Variants in UBXN2B observed in about 807,000 individuals in gnomAD.
The protein encoded by UBXN2B is UBX domain protein 2B, also known as UBX domain-containing protein 2B.
Under a neutral mutation model 37.5 loss-of-function variants are expected in UBXN2B, and 19 were observed. That is an observed-to-expected ratio of 0.51 (90% CI 0.35 to 0.74). The LOEUF is 0.74. Ranked by LOEUF, UBXN2B falls within the 30% of genes least tolerant of loss-of-function variation. The pLI is 0.01. For missense variants in UBXN2B, 370 were observed against 393.2 expected (o/e 0.94, Z 0.50); for synonymous variants, 145 against 143.8 (o/e 1.01, Z -0.06).
chr8:58,447,346 A>G, intron 7 of UBXN2B, 43 bp from the exon 8 acceptor site: 1 of 1,486,986 alleles, frequency 6.7e-7, no homozygotes, highest in Non-Finnish European at 9.0e-7. Context: ...ACATGAAAAT[A>G]TGATTTTTTA....
At chr8:58,422,625 C>T (rs2129603864) in intron 2 of UBXN2B, among the ~76,000 whole-genome samples, 1 of 152,364 alleles carries the variant, frequency 6.6e-6, no homozygotes, top group South Asian at 2.1e-4. Context: ...GCTGTTCCTT[C>T]TCACTGTGGC....
In UBXN2B at chr8:58,416,821, T is replaced by C. The variant is rs1213923005; in HGVS notation, c.85-29T>C. 3.1e-6 allele frequency: 5 copies of C among 1,594,396 alleles called. No homozygotes were observed. The African/African-American group carries it at 6.7e-5, about 21-fold the overall frequency. ...ATGGAAGAGGTTATTCCTAGTGTTA[T>C]ACTTTGTAACAAGCCTGTTATTATG... On this transcript the variant is annotated intron_variant, in intron 1 of 7. Transcript: ENST00000399598.
intron 2 of UBXN2B, chr8:58,425,330 C>G: frequency 8.6e-7 from 1 of 1,157,942 alleles, no homozygotes; most frequent in Non-Finnish European, 1.3e-6. Context: ...CAGGAGTTTT[C>G]TTGGAATACC....
At chr8:58,437,332 T>TTTTTC (rs1808438981) in intron 5 of UBXN2B, among the ~76,000 whole-genome samples, 1 of 139,430 alleles carries the variant, frequency 7.2e-6, no homozygotes, top group Non-Finnish European at 1.6e-5. Context: ...TTTTTTTTTT[T>TTTTTC]TTTTTTTTTT....
At chr8:58,434,842 T>C in intron 5 of UBXN2B, 3 of 1,535,544 alleles carry the variant, frequency 2.0e-6, no homozygotes, top group Non-Finnish European at 2.6e-6. Flanking sequence ...GCCACTGTCC[T>C]GCTTACTGTT....
At chr8:58,425,520 G>C (rs771645273) in intron 2 of UBXN2B, 3 of 1,092,338 alleles carry the variant, frequency 2.7e-6, no homozygotes, top group Non-Finnish European at 4.2e-6. Flanking sequence ...TATGATCAAA[G>C]GGCAGGTTAT....
rs184656960 is a variant in UBXN2B, at chr8:58,442,904, A to T, written c.672-3003A>T. Among the ~76,000 whole-genome samples, 34 of 152,274 alleles carry T rather than the reference A, an allele frequency of 2.2e-4. 1 individual carries two copies. The highest frequency in any genetic ancestry group is 2.2e-3 in the Admixed American group (33 of 15,302). ...TCAAAAGATTGTGCTTGCCACTCTCACTTACCTGAGATTTGACTTCATCTG... is the reference window on the plus strand; with the variant it reads ...TCAAAAGATTGTGCTTGCCACTCTCTCTTACCTGAGATTTGACTTCATCTG... On this transcript the variant is annotated intron_variant, in intron 6 of 7. Transcript: ENST00000399598.
intron 6 of UBXN2B, among the ~76,000 whole-genome samples, chr8:58,442,441 T>C (rs973425541): frequency 6.6e-6 from 1 of 152,208 alleles, no homozygotes; most frequent in African/African-American, 2.4e-5. Flanking sequence ...AAGACAATTA[T>C]TTACTGAGCA....
At chr8:58,423,330 C>G (rs975597018) in intron 2 of UBXN2B, among the ~76,000 whole-genome samples, 1 of 152,116 alleles carries the variant, frequency 6.6e-6, no homozygotes, top group African/African-American at 2.4e-5. Context: ...CCAGTCTCTC[C>G]GCCAACCTGC....
chr8:58,425,129 C>A lies in UBXN2B; in HGVS notation c.189-5390C>A, dbSNP rs1808046226. Reference sequence around the variant, plus strand: ...CAGGTCCAAAAGTGGTATTGCCAGACCATTCTCTCCATATTCCCTTGCCCA... The same window carrying A: ...CAGGTCCAAAAGTGGTATTGCCAGAACATTCTCTCCATATTCCCTTGCCCA... On this transcript the variant is annotated intron_variant, in intron 2 of 7. Transcript: ENST00000399598. 11 of 817,472 alleles carry A rather than the reference C, an allele frequency of 1.3e-5. No homozygotes were observed. In the South Asian group the frequency reaches 1.5e-4, roughly 11 times the overall value. 50.6% of individuals were successfully genotyped at this position (817,472 alleles called of 1,614,324 possible).
At chr8:58,420,169 A>G (rs1165876234) in intron 2 of UBXN2B, among the ~76,000 whole-genome samples, 2 of 152,224 alleles carry the variant, frequency 1.3e-5, no homozygotes, top group African/African-American at 2.4e-5. Flanking sequence ...TTGTTTTCAT[A>G]TAAGAAAATG....
intron 6 of UBXN2B, among the ~76,000 whole-genome samples, chr8:58,441,229 A>G (rs1585618175): frequency 6.6e-6 from 1 of 151,090 alleles, no homozygotes; most frequent in Non-Finnish European, 1.5e-5. Context: ...CCTGGCCTCA[A>G]GCTGTTCTTC....
At chr8:58,425,349 A>G in intron 2 of UBXN2B, 1 of 1,147,394 alleles carries the variant, frequency 8.7e-7, no homozygotes, top group Admixed American at 1.7e-5. Context: ...CCATCCGCCA[A>G]AAGTCGTTCA....
At chr8:58,421,716 C>A (rs757141990) in intron 2 of UBXN2B, among the ~76,000 whole-genome samples, 1 of 152,168 alleles carries the variant, frequency 6.6e-6, no homozygotes. Context: ...CTGCCTGATT[C>A]CATCCCATGT....
At position 58,447,611 on chromosome 8, in the gene UBXN2B, C is replaced by T; in HGVS notation, c.*60C>T. 1 of 1,405,098 alleles carries T rather than the reference C, an allele frequency of 7.1e-7. No homozygotes were observed. The highest frequency in any genetic ancestry group is 9.4e-7 in the Non-Finnish European group (1 of 1,059,810). 87.0% of individuals were successfully genotyped at this position (1,405,098 alleles called of 1,614,324 possible). A position where few individuals can be genotyped will look rare whatever the true frequency, so the allele number is the denominator to read the frequency against. ...AGATGATGTGCCGTATTAATAAGGA[C>T]AATACTTCAGCATTAAAAACAGCCA... On this transcript the variant is annotated 3_prime_UTR_variant, in exon 8 of 8. Coordinates refer to ENST00000399598, the MANE Select transcript of UBXN2B (RefSeq NM_001077619.2).
chr8:58,444,078 C>T (rs1289222197), intron 6 of UBXN2B, among the ~76,000 whole-genome samples: 2 of 152,178 alleles, frequency 1.3e-5, no homozygotes, highest in African/African-American at 4.8e-5. Context: ...CCCCATCCTC[C>T]ATTTTCTGTT....
At chr8:58,440,731 C>T (rs1026186822) in intron 6 of UBXN2B, among the ~76,000 whole-genome samples, 1 of 152,154 alleles carries the variant, frequency 6.6e-6, no homozygotes, top group Non-Finnish European at 1.5e-5. Context: ...CCTTCAGTTG[C>T]CTCGTGTACA....
chr8:58,447,597 C>T lies in UBXN2B; in HGVS notation c.*46C>T, dbSNP rs761779891. 1.1e-5 allele frequency: 16 copies of T among 1,500,514 alleles called. No individual in the cohort carries two copies. The highest frequency in any genetic ancestry group is 6.9e-5 in the South Asian group (5 of 72,024). The allele number at this position is 1,500,514 out of a possible 1,614,324, so 92.9% of individuals were successfully genotyped here. A position where few individuals can be genotyped will look rare whatever the true frequency, so the allele number is the denominator to read the frequency against. On this transcript the variant is annotated 3_prime_UTR_variant, in exon 8 of 8. Coordinates refer to ENST00000399598, the MANE Select transcript of UBXN2B (RefSeq NM_001077619.2). ...TAGCATGTGGGAATAGATGATGTGC[C>T]GTATTAATAAGGACAATACTTCAGC...
At chr8:58,434,247 A>G (rs1808355058) in intron 4 of UBXN2B, 148 bp from the exon 5 acceptor site, 1 of 232,348 alleles carries the variant, frequency 4.3e-6, no homozygotes, top group South Asian at 1.8e-4. Flanking sequence ...AATAAAGAAT[A>G]GTAGAAATAA....
Sources: allele counts gnomAD v4.1 joint callset (sites outside exome capture counted in the v4.1 genomes callset), GRCh38; gene constraint gnomAD v4.1.1; transcripts MANE v1.5; gene names NCBI Gene and HGNC (gene_info 2026-07-23, HGNC 2026-07-21).